Variants in MARCHF1 observed in about 807,000 individuals in gnomAD.
MARCHF1 encodes the protein membrane associated ring-CH-type finger 1, also known as E3 ubiquitin-protein ligase MARCHF1.
In MARCHF1, 40 loss-of-function variants were observed where a neutral mutation model predicts 54.2. The observed-to-expected ratio is 0.74, with a 90% confidence interval of 0.57 to 0.96. The LOEUF (loss-of-function observed/expected upper bound fraction) is 0.96. Ranked by LOEUF, MARCHF1 falls within the 40% of genes least tolerant of loss-of-function variation. The probability of loss-of-function intolerance (pLI) is 0.00; values close to 1 mark genes in which losing one functional copy is unlikely to be tolerated. For missense variants in MARCHF1, 586 were observed against 656.5 expected, an observed-to-expected ratio of 0.89 and a Z score of 1.17; for synonymous variants, 236 against 236.3, an observed-to-expected ratio of 1.00 and a Z score of 0.01.
chr4:164,106,579 A>T (rs1237179824), intron 2 of MARCHF1, among the ~76,000 whole-genome samples: 1 of 144,802 alleles, frequency 6.9e-6, no homozygotes, highest in Non-Finnish European at 1.5e-5. Flanking sequence ...GATCACATGG[A>T]CACAGGAAGG....
chr4:163,553,386 G>A (rs1392273169), intron 8 of MARCHF1, among the ~76,000 whole-genome samples: 1 of 152,192 alleles, frequency 6.6e-6, no homozygotes, highest in Non-Finnish European at 1.5e-5. Flanking sequence ...TGTTCAGGCA[G>A]AATTAAGTCA....
intron 4 of MARCHF1, among the ~76,000 whole-genome samples, chr4:163,722,649 T>A (rs1310058097): frequency 6.6e-6 from 1 of 152,172 alleles, no homozygotes; most frequent in East Asian, 1.9e-4. Context: ...CCCATTATTA[T>A]TTTGTGGGAG....
At chr4:164,258,784 AG>A (rs1560977412) in intron 1 of MARCHF1, among the ~76,000 whole-genome samples, 1 of 152,162 alleles carries the variant, frequency 6.6e-6, no homozygotes. Context: ...TGCTCACTTT[AG>A]TAGCTCTGGT....
chr4:164,361,062 T>C (rs1003875065), intron 1 of MARCHF1, among the ~76,000 whole-genome samples: 4 of 151,724 alleles, frequency 2.6e-5, no homozygotes, highest in Non-Finnish European at 5.9e-5. Flanking sequence ...GGTACAGTGC[T>C]GTGTATCATA....
At chr4:164,064,835 T>G (rs1318412372) in intron 2 of MARCHF1, among the ~76,000 whole-genome samples, 1 of 152,200 alleles carries the variant, frequency 6.6e-6, no homozygotes, top group Admixed American at 6.5e-5. Context: ...AATACATAGT[T>G]TATTGAGAGT....
intron 5 of MARCHF1, among the ~76,000 whole-genome samples, chr4:163,675,504 T>C (rs1743882564): frequency 6.6e-6 from 1 of 152,174 alleles, no homozygotes; most frequent in Non-Finnish European, 1.5e-5. Flanking sequence ...TAGGACCCGA[T>C]TAAACTAGAA....
intron 8 of MARCHF1, among the ~76,000 whole-genome samples, chr4:163,560,266 AT>A (rs1739426044): frequency 6.6e-6 from 1 of 152,072 alleles, no homozygotes; most frequent in Non-Finnish European, 1.5e-5. Flanking sequence ...GATATAGATA[AT>A]TTTTTTACAT....
In MARCHF1 at chr4:163,654,110, T is replaced by G. The variant is rs995106539; in HGVS notation, c.163-40717A>C. On this transcript the variant is annotated intron_variant, in intron 5 of 9. Coordinates refer to ENST00000514618, the MANE Select transcript of MARCHF1 (RefSeq NM_001394959.1). ...AAATCAGATAACAAAGACAAGGCAC[T>G]TGGAGAAGGATAGAGAGAACCATTG... is the stretch of plus-strand genomic sequence containing the variant. 4.6e-5 allele frequency among the ~76,000 whole-genome samples: 7 copies of G among 151,706 alleles called. No homozygotes were observed. In the East Asian group the frequency reaches 5.8e-4, roughly 13 times the overall value.
At chr4:163,613,789 AATCAAACAGCC>A in intron 5 of MARCHF1, among the ~76,000 whole-genome samples, 1 of 152,278 alleles carries the variant, frequency 6.6e-6, no homozygotes, top group East Asian at 1.9e-4. Flanking sequence ...TGAGAAGTCT[AATCAAACAGCC>A]ATTAGGTTGC....
At chr4:163,678,253 T>A (rs551244660) in intron 5 of MARCHF1, among the ~76,000 whole-genome samples, 1 of 152,286 alleles carries the variant, frequency 6.6e-6, no homozygotes, top group East Asian at 1.9e-4. Context: ...GCCTGCCAGG[T>A]TAAAGCAATC....
rs1753328747 is a variant in MARCHF1 at position 164,007,704 on chromosome 4, T to C, written c.-247-18995A>G. Among the ~76,000 whole-genome samples, 4 of 151,052 alleles carry C rather than the reference T, an allele frequency of 2.6e-5. No homozygotes were observed. The South Asian group carries it at 8.4e-4, about 32-fold the overall frequency. On this transcript the variant is annotated intron_variant, in intron 2 of 9. Transcript: ENST00000514618. ...TGTGTGTGTGTTTGCCCTGGTTTCTTTCTATTTTTCTATTTGTGATCTAAG... is the reference window on the plus strand; with the variant it reads ...TGTGTGTGTGTTTGCCCTGGTTTCTCTCTATTTTTCTATTTGTGATCTAAG...
intron 3 of MARCHF1, among the ~76,000 whole-genome samples, chr4:163,967,011 T>G (rs971201018): frequency 1.3e-5 from 2 of 152,110 alleles, no homozygotes; most frequent in Non-Finnish European, 2.9e-5. Context: ...GAGAATCACA[T>G]TCCGGGGGAG....
At chr4:163,834,377 A>G (rs1749116500) in intron 4 of MARCHF1, among the ~76,000 whole-genome samples, 1 of 152,160 alleles carries the variant, frequency 6.6e-6, no homozygotes, top group Non-Finnish European at 1.5e-5. Flanking sequence ...GACATACATA[A>G]TTTATTATAT....
At chr4:164,085,138 A>G (rs1352160590) in intron 2 of MARCHF1, among the ~76,000 whole-genome samples, 1 of 151,806 alleles carries the variant, frequency 6.6e-6, no homozygotes. Context: ...TATATCCCAA[A>G]GTACAGGATT....
intron 2 of MARCHF1, among the ~76,000 whole-genome samples, chr4:164,035,479 A>C (rs1753972230): frequency 6.6e-6 from 1 of 151,912 alleles, no homozygotes; most frequent in Non-Finnish European, 1.5e-5. Context: ...GAAAAAAAAA[A>C]AACTACATAA....
intron 2 of MARCHF1, among the ~76,000 whole-genome samples, chr4:164,003,360 A>G (rs1195978793): frequency 6.6e-6 from 1 of 152,092 alleles, no homozygotes; most frequent in African/African-American, 2.4e-5. Context: ...TTAAATGTAA[A>G]TGGTATAAAC....
At chr4:163,720,384 T>C (rs1315934743) in intron 4 of MARCHF1, among the ~76,000 whole-genome samples, 1 of 152,232 alleles carries the variant, frequency 6.6e-6, no homozygotes, top group African/African-American at 2.4e-5. Context: ...TCCATTGGTC[T>C]ATATCTCTGT....
intron 7 of MARCHF1, among the ~76,000 whole-genome samples, chr4:163,595,322 AAC>A (rs1269170411): frequency 4.0e-5 from 6 of 151,574 alleles, no homozygotes; most frequent in Admixed American, 2.6e-4. Context: ...CCGCCTGGGT[AAC>A]ACAGTGAGAC....
chr4:163,874,779 G>A (rs1038348243), intron 3 of MARCHF1, among the ~76,000 whole-genome samples: 1 of 152,038 alleles, frequency 6.6e-6, no homozygotes, highest in Non-Finnish European at 1.5e-5. Flanking sequence ...GTTTGTAAAA[G>A]TTTATGAAAA....
Sources: allele counts gnomAD v4.1 joint callset (sites outside exome capture counted in the v4.1 genomes callset), GRCh38; gene constraint gnomAD v4.1.1; transcripts MANE v1.5; gene names NCBI Gene and HGNC (gene_info 2026-07-23, HGNC 2026-07-21).